Variants in DCAF6 observed in about 807,000 individuals in gnomAD.
DCAF6 encodes the protein DDB1- and CUL4-associated factor 6.
DCAF6 carries 54 observed loss-of-function variants against 125.1 expected under a neutral mutation model. The ratio of observed to expected loss-of-function variants is 0.43; its 90% CI spans 0.35 to 0.54. DCAF6 has a LOEUF of 0.54. Ranked by LOEUF, DCAF6 falls within the 20% of genes least tolerant of loss-of-function variation. The probability of loss-of-function intolerance (pLI) is 0.01; values close to 1 mark genes in which losing one functional copy is unlikely to be tolerated. For missense variants in DCAF6, 934 were observed against 1,161.7 expected (o/e 0.80, Z 2.85); for synonymous variants, 371 against 390.4 (o/e 0.95, Z 0.58).
chr1:167,882,090 T>A, the DCAF6 span, among the ~76,000 whole-genome samples: 1 of 152,228 alleles, frequency 6.6e-6, no homozygotes, highest in African/African-American at 2.4e-5. Context: ...AATTAAGTGC[T>A]CTGCTTTTAA....
intron 3 of DCAF6, among the ~76,000 whole-genome samples, chr1:167,967,807 T>C (rs1389365110): frequency 1.4e-5 from 2 of 147,334 alleles, no homozygotes; most frequent in African/African-American, 5.0e-5. Flanking sequence ...CTCGGCTTAC[T>C]GCAACCTCTG....
chr1:168,003,762 T>A, intron 8 of DCAF6, 108 bp from the exon 9 acceptor site: 1 of 1,007,870 alleles, frequency 9.9e-7, no homozygotes, highest in African/African-American at 1.6e-5. Context: ...GGAAATTTGA[T>A]TTTTAAAAAT....
chr1:168,043,129 A>G lies in DCAF6; in HGVS notation c.1832A>G (p.Asp611Gly), dbSNP rs1367096870. The change falls in exon 14 of 22, where the codon GAC (aspartate) becomes GGC (glycine). Residue 611 changes from aspartate to glycine, a missense_variant. Asp to Gly is a moderately conservative substitution (Grantham distance 94). Around this residue, in one of 5 missense-constraint regions of DCAF6, gnomAD observed 559 missense variants for 635.5 expected, o/e 0.88. Transcript: ENST00000367840. ...PQSSVQPPEG[D>G]SETKAPEESS... ...AGCTCAGTGCAACCACCAGAAGGAG[A>G]CAGTGAAACAAGTAAGGTGTTATTT... 3 of 1,611,808 alleles carry G rather than the reference A, an allele frequency of 1.9e-6. No homozygotes were observed. Among genetic ancestry groups the G allele is most frequent in the African/African-American group, 2.7e-5 (2 of 74,834 alleles).
At chr1:167,875,949 T>A in the DCAF6 span, among the ~76,000 whole-genome samples, 2 of 148,604 alleles carry the variant, frequency 1.3e-5, no homozygotes, top group African/African-American at 5.0e-5. Context: ...CCAGACTCCA[T>A]CTCAAAAAGA....
chr1:167,929,921 A>T, the DCAF6 span, among the ~76,000 whole-genome samples: 1 of 152,146 alleles, frequency 6.6e-6, no homozygotes, highest in African/African-American at 2.4e-5. Context: ...ATGGTTTGTT[A>T]CTTTTTAACA....
intron 10 of DCAF6, among the ~76,000 whole-genome samples, chr1:168,015,240 A>C (rs1409729036): frequency 6.6e-6 from 1 of 152,228 alleles, no homozygotes; most frequent in East Asian, 1.9e-4. Context: ...TGAACTTAAA[A>C]AATTTTTTAA....
At chr1:167,918,016 G>A in the DCAF6 span, 1 of 225,318 alleles carries the variant, frequency 4.4e-6, no homozygotes, top group Non-Finnish European at 8.7e-6. Flanking sequence ...TTGAATTTGT[G>A]TGTTCTTTTA....
the DCAF6 span, among the ~76,000 whole-genome samples, chr1:167,881,395 A>G: frequency 6.6e-6 from 1 of 152,226 alleles, no homozygotes; most frequent in African/African-American, 2.4e-5. Context: ...AAAGAACACT[A>G]AAATACCTCA....
chr1:168,027,450 AT>A (rs1475397002), intron 12 of DCAF6, among the ~76,000 whole-genome samples: 4 of 152,168 alleles, frequency 2.6e-5, no homozygotes, highest in African/African-American at 9.7e-5. Flanking sequence ...AAAGTAGTAC[AT>A]TTAATAAGTT....
At chr1:168,013,122 T>C (rs1684518385) in intron 10 of DCAF6, among the ~76,000 whole-genome samples, 1 of 152,222 alleles carries the variant, frequency 6.6e-6, no homozygotes, top group South Asian at 2.1e-4. Flanking sequence ...CTAAAAGCAT[T>C]ACTATTATGC....
At chr1:167,908,734 T>A in the DCAF6 span, among the ~76,000 whole-genome samples, 7 of 152,196 alleles carry the variant, frequency 4.6e-5, no homozygotes, top group Non-Finnish European at 8.8e-5. Context: ...GTGAGAGAAC[T>A]AATGCACTGA....
At chr1:168,037,144 C>T (rs1028577286) in intron 12 of DCAF6, among the ~76,000 whole-genome samples, 2 of 144,474 alleles carry the variant, frequency 1.4e-5, no homozygotes, top group Non-Finnish European at 3.0e-5. Flanking sequence ...CACCCAGACT[C>T]GACTCGAACT....
intron 1 of DCAF6, among the ~76,000 whole-genome samples, chr1:167,938,385 CTT>C (rs1351300065): frequency 6.6e-6 from 1 of 152,118 alleles, no homozygotes; most frequent in Non-Finnish European, 1.5e-5. Context: ...TTGATTCTGT[CTT>C]TTAAATTATT....
chr1:167,975,467 A>G (rs1649633698), intron 4 of DCAF6, among the ~76,000 whole-genome samples: 1 of 152,230 alleles, frequency 6.6e-6, no homozygotes, highest in African/African-American at 2.4e-5. Flanking sequence ...TGAGCTTAAG[A>G]CCTGAGCTGA....
At chr1:168,015,504 A>T (rs192849823) in intron 10 of DCAF6, among the ~76,000 whole-genome samples, 5 of 151,980 alleles carry the variant, frequency 3.3e-5, no homozygotes, top group Admixed American at 6.5e-5. Context: ...TCTTTTGCTT[A>T]TGGAGGACTT....
At chr1:167,932,666 G>A (rs1670942127), upstream of DCAF6, among the ~76,000 whole-genome samples, 1 of 151,970 alleles carries the variant, frequency 6.6e-6, no homozygotes, top group Non-Finnish European at 1.5e-5. Context: ...AAAATTAGCT[G>A]AGCATGGTGG....
At chr1:167,902,981 A>G in the DCAF6 span, among the ~76,000 whole-genome samples, 21,038 of 152,302 alleles carry the variant, frequency 0.14, 2,033 homozygotes, top group African/African-American at 0.28. Flanking sequence ...TAGGCCAGGC[A>G]TGGTGGCTTA....
rs1257806059 is a variant in DCAF6, at chr1:167,937,134, G to T, written c.97+126G>T. 17 of 776,392 alleles carry T rather than the reference G, an allele frequency of 2.2e-5. 1 individual carries two copies. The South Asian group carries it at 2.3e-4, about 11-fold the overall frequency. 48.1% of individuals were successfully genotyped at this position (776,392 alleles called of 1,614,324 possible). Reference sequence around the variant, plus strand: ...GGGCGCCCGGAGACTCTGGGGTGTTGGGTGGGGCCTTGGTTGCCGAATTCC... The same window carrying T: ...GGGCGCCCGGAGACTCTGGGGTGTTTGGTGGGGCCTTGGTTGCCGAATTCC... On this transcript the variant is annotated intron_variant, in intron 1 of 21. Transcript: ENST00000367840.
At chr1:167,895,583 T>C in the DCAF6 span, among the ~76,000 whole-genome samples, 2 of 152,226 alleles carry the variant, frequency 1.3e-5, no homozygotes, top group Non-Finnish European at 2.9e-5. Flanking sequence ...GATGCCTATT[T>C]GACATCCAGT....
Sources: gnomAD v4.1 joint callset for allele counts (sites outside exome capture counted in the v4.1 genomes callset) on GRCh38, gnomAD v4.1.1 for gene constraint, gnomAD v4.1.1 regional missense constraint, MANE v1.5 for transcripts, NCBI Gene and HGNC (gene_info 2026-07-23, HGNC 2026-07-21) for gene names.